Variants in MSRA observed in about 807,000 individuals in gnomAD.
MSRA encodes methionine sulfoxide reductase A, also known as mitochondrial peptide methionine sulfoxide reductase.
Under a neutral mutation model 31.3 loss-of-function variants are expected in MSRA, and 54 were observed. The observed-to-expected ratio is 1.73, with a 90% CI of 1.39 to 2.17. The LOEUF is 2.17. Among genes scored for constraint, MSRA ranks in the 30% most tolerant of loss-of-function variants. MSRA has a pLI of 0.00. For missense variants in MSRA, 507 were observed against 300.9 expected (o/e 1.69, Z -5.07); for synonymous variants, 169 against 116.5 (o/e 1.45, Z -2.90).
At position 10,419,958 on chromosome 8, in the gene MSRA, G is replaced by C. The variant is rs535246169; in HGVS notation, c.544-8190G>C. Among the ~76,000 whole-genome samples, 236 of 152,314 alleles carry C rather than the reference G, an allele frequency of 1.5e-3. 2 individuals are homozygous for C. Among genetic ancestry groups the C allele is most frequent in the African/African-American group, 5.5e-3 (230 of 41,568 alleles). On this transcript the variant is annotated intron_variant, in intron 5 of 5. Coordinates refer to ENST00000317173, the MANE Select transcript of MSRA (RefSeq NM_012331.5). Reference sequence around the variant, plus strand: ...GTAGAGGAGCACAGGGTCAGCGCTGGAAGCTGCTGATACAACAGGCTGGAG... The same window carrying C: ...GTAGAGGAGCACAGGGTCAGCGCTGCAAGCTGCTGATACAACAGGCTGGAG...
chr8:10,402,387 C>G (rs1288585247), intron 5 of MSRA, among the ~76,000 whole-genome samples: 1 of 152,216 alleles, frequency 6.6e-6, no homozygotes, highest in South Asian at 2.1e-4. Context: ...GGTTCTTCCT[C>G]GACAGCCAGC....
intron 3 of MSRA, among the ~76,000 whole-genome samples, chr8:10,249,074 T>C (rs531871696): frequency 8.5e-5 from 13 of 152,222 alleles, no homozygotes; most frequent in Admixed American, 6.5e-4. Flanking sequence ...TCCTGGCCAC[T>C]CTCTTGGGTG....
chr8:10,258,797 C>T (rs2952199), intron 3 of MSRA, among the ~76,000 whole-genome samples: 2 of 152,186 alleles, frequency 1.3e-5, no homozygotes, highest in African/African-American at 4.8e-5. Context: ...TGCCAGTTAT[C>T]TAAGACCTTT....
chr8:10,266,498 A>G (rs150349101), intron 3 of MSRA, among the ~76,000 whole-genome samples: 1 of 152,202 alleles, frequency 6.6e-6, no homozygotes. Flanking sequence ...TTTATCAGAC[A>G]TAATGATTTG....
chr8:10,083,433 C>G (rs1047540282), intron 1 of MSRA, among the ~76,000 whole-genome samples: 1 of 152,156 alleles, frequency 6.6e-6, no homozygotes, highest in Non-Finnish European at 1.5e-5. Context: ...TGATTTTGAT[C>G]CAAATATAAT....
At chr8:10,077,853 C>T (rs1291153869) in intron 1 of MSRA, among the ~76,000 whole-genome samples, 2 of 152,138 alleles carry the variant, frequency 1.3e-5, no homozygotes, top group Admixed American at 6.5e-5. Context: ...ATTTACTCAT[C>T]CCCGGCCATG....
intron 1 of MSRA, among the ~76,000 whole-genome samples, chr8:10,158,475 A>C (rs1804360639): frequency 6.6e-6 from 1 of 152,186 alleles, no homozygotes; most frequent in African/African-American, 2.4e-5. Flanking sequence ...ATCAGATAAT[A>C]TGTGGCCTAT....
intron 1 of MSRA, among the ~76,000 whole-genome samples, chr8:10,170,884 C>A (rs1437830003): frequency 6.6e-6 from 1 of 152,218 alleles, no homozygotes; most frequent in Non-Finnish European, 1.5e-5. Context: ...ATAATGATAG[C>A]TGATTTCTTC....
intron 2 of MSRA, among the ~76,000 whole-genome samples, chr8:10,231,174 G>A (rs987300647): frequency 1.3e-5 from 2 of 152,168 alleles, no homozygotes; most frequent in South Asian, 4.1e-4. Flanking sequence ...GCGGCAAGGA[G>A]GGAGCTGAGG....
At chr8:10,080,255 C>T (rs1382215708) in intron 1 of MSRA, among the ~76,000 whole-genome samples, 1 of 151,998 alleles carries the variant, frequency 6.6e-6, no homozygotes, top group Non-Finnish European at 1.5e-5. Context: ...TAGGAACTAA[C>T]TTTATCCCCC....
intron 5 of MSRA, among the ~76,000 whole-genome samples, chr8:10,422,394 T>A (rs1585746501): frequency 6.6e-6 from 1 of 152,074 alleles, no homozygotes; most frequent in Admixed American, 6.6e-5. Context: ...GCAGAAAAGC[T>A]GAGTCCAAGG....
intron 1 of MSRA, among the ~76,000 whole-genome samples, chr8:10,120,281 A>G (rs1265603874): frequency 6.6e-6 from 1 of 152,200 alleles, no homozygotes; most frequent in Non-Finnish European, 1.5e-5. Context: ...GCTTGGAAAC[A>G]ATCACTTTGT....
intron 1 of MSRA, among the ~76,000 whole-genome samples, chr8:10,083,735 A>C (rs1483084061): frequency 6.6e-6 from 1 of 151,802 alleles, no homozygotes. Context: ...TTTTTTCCCT[A>C]AACAGTGATT....
rs951628269 is a variant in MSRA, at chr8:10,077,461, C to G, written c.142+22803C>G. Reference sequence around the variant, plus strand: ...CTGTTTGTCATTTTATACATGGATTCTTTTTCACTACCTTCTCCTTTTTTT... The same window carrying G: ...CTGTTTGTCATTTTATACATGGATTGTTTTTCACTACCTTCTCCTTTTTTT... On this transcript the variant is annotated intron_variant, in intron 1 of 5. Transcript: ENST00000317173. Among the ~76,000 whole-genome samples, 8 of 133,766 alleles carry G rather than the reference C, an allele frequency of 6.0e-5. No homozygotes were observed. In the South Asian group the frequency reaches 1.3e-3, roughly 22 times the overall value. 87.8% of individuals were successfully genotyped at this position (133,766 alleles called of 152,430 possible). A position where few individuals can be genotyped will look rare whatever the true frequency, so the allele number is the denominator to read the frequency against.
chr8:10,117,107 A>G (rs754370203), intron 1 of MSRA, among the ~76,000 whole-genome samples: 6 of 152,206 alleles, frequency 3.9e-5, no homozygotes, highest in East Asian at 1.9e-4. Context: ...ATGGCAGCTC[A>G]TATTTCTTGG....
At chr8:10,330,183 C>CATT (rs1802612606) in intron 5 of MSRA, among the ~76,000 whole-genome samples, 1 of 134,106 alleles carries the variant, frequency 7.5e-6, no homozygotes, top group East Asian at 2.6e-4. Flanking sequence ...CCAATAGGTT[C>CATT]ATTATAAGAA....
In MSRA at chr8:10,407,701, C is replaced by G. The variant is rs1807903810; in HGVS notation, c.544-20447C>G. ...TCTGTAGGCAAGAGAAGAGAAGACTCTGGATCCCAGGAAATGGTGGGGCAC... is the reference window on the plus strand; with the variant it reads ...TCTGTAGGCAAGAGAAGAGAAGACTGTGGATCCCAGGAAATGGTGGGGCAC... On this transcript the variant is annotated intron_variant, in intron 5 of 5. Coordinates refer to ENST00000317173, the MANE Select transcript of MSRA (RefSeq NM_012331.5). 1.3e-5 allele frequency among the ~76,000 whole-genome samples: 2 copies of G among 152,130 alleles called. 1 individual carries two copies. The highest frequency in any genetic ancestry group is 4.2e-4 in the South Asian group (2 of 4,816).
intron 5 of MSRA, among the ~76,000 whole-genome samples, chr8:10,372,246 C>A (rs1011245002): frequency 7.2e-5 from 11 of 152,122 alleles, no homozygotes; most frequent in Admixed American, 5.9e-4. Flanking sequence ...CCATAGGAGC[C>A]AGAGGGGTCC....
At chr8:10,245,838 C>G (rs1797595849) in intron 3 of MSRA, among the ~76,000 whole-genome samples, 2 of 152,338 alleles carry the variant, frequency 1.3e-5, no homozygotes, top group Non-Finnish European at 2.9e-5. Context: ...TATGCGCTAG[C>G]TAGACCAGAG....
Sources: allele counts gnomAD v4.1 joint callset (sites outside exome capture counted in the v4.1 genomes callset), GRCh38; gene constraint gnomAD v4.1.1; transcripts MANE v1.5; gene names NCBI Gene and HGNC (gene_info 2026-07-23, HGNC 2026-07-21).